VWA2: variants seen among roughly 807,000 people sequenced by gnomAD.
VWA2 encodes von Willebrand factor A domain containing 2.
VWA2 carries 73 observed loss-of-function variants against 70.4 expected under a neutral mutation model. The ratio of observed to expected loss-of-function variants is 1.04; its 90% CI spans 0.86 to 1.26. VWA2 has a LOEUF of 1.26. Among genes scored for constraint, VWA2 ranks in the 50% most tolerant of loss-of-function variants. The pLI, the probability that VWA2 is intolerant of heterozygous loss-of-function variation, is 0.00. For synonymous variants in VWA2, 407 were observed against 423.3 expected (o/e 0.96, Z 0.47); for missense variants, 1,011 against 998.5 (o/e 1.01, Z -0.17).
intron 2 of VWA2, among the ~76,000 whole-genome samples, chr10:114,252,782 A>T (rs1279446257): frequency 6.6e-6 from 1 of 152,058 alleles, no homozygotes; most frequent in Non-Finnish European, 1.5e-5. Flanking sequence ...TATTTTTAGT[A>T]GAGATGGGGT....
At chr10:114,288,232 C>A (rs185003858) in intron 11 of VWA2, among the ~76,000 whole-genome samples, 25 of 152,312 alleles carry the variant, frequency 1.6e-4, no homozygotes, top group Middle Eastern at 3.4e-3. Flanking sequence ...GAAGCTCTGA[C>A]CCCTTCTCCC....
intron 8 of VWA2, among the ~76,000 whole-genome samples, chr10:114,280,155 A>T (rs775402690): frequency 6.6e-6 from 1 of 152,196 alleles, no homozygotes; most frequent in Non-Finnish European, 1.5e-5. Context: ...CGGTGATTTA[A>T]TAGGTAGATG....
intron 10 of VWA2, 138 bp from the exon 11 acceptor site, chr10:114,285,801 C>T: frequency 1.1e-6 from 1 of 910,536 alleles, no homozygotes; most frequent in South Asian, 1.8e-5. Context: ...CTGTGACGAG[C>T]ACGGGTCACT....
intron 11 of VWA2, among the ~76,000 whole-genome samples, chr10:114,288,072 T>C (rs952828701): frequency 2.0e-5 from 3 of 152,276 alleles, no homozygotes; most frequent in African/African-American, 7.2e-5. Context: ...CCTTTGCACT[T>C]GGAATAAAAC....
intron 1 of VWA2, among the ~76,000 whole-genome samples, chr10:114,241,521 G>A (rs1425946049): frequency 6.6e-6 from 1 of 152,028 alleles, no homozygotes; most frequent in Non-Finnish European, 1.5e-5. Flanking sequence ...TCCCCTCCTG[G>A]CTTTTTAATG....
intron 1 of VWA2, among the ~76,000 whole-genome samples, chr10:114,247,913 T>A (rs1029461432): frequency 6.6e-6 from 1 of 151,908 alleles, no homozygotes; most frequent in Non-Finnish European, 1.5e-5. Flanking sequence ...CCTGCATGGG[T>A]GGTGAAGTTT....
Position 114,285,949 on chromosome 10 carries a change from G to A in VWA2, c.1008G>A (p.Leu336=), listed in dbSNP as rs373173978. ...FGGEANCALK[L]SLECRVDLLF... ...CTGTGATCCCCGCAGCCCTGAAGCT[G>A]AGCCTGGAATGCAGGGTCGACCTCC... Residue 336 remains leucine, a synonymous_variant, in exon 11 of 14, where the codon CTG becomes CTA. Transcript: ENST00000392982. 4 of 1,595,180 alleles carry A rather than the reference G, an allele frequency of 2.5e-6. No homozygotes were observed. The highest frequency in any genetic ancestry group is 3.4e-6 in the Non-Finnish European group (4 of 1,167,106).
chr10:114,247,615 C>A (rs1422594176), intron 1 of VWA2, among the ~76,000 whole-genome samples: 1 of 151,776 alleles, frequency 6.6e-6, no homozygotes, highest in Non-Finnish European at 1.5e-5. Flanking sequence ...TTAAAAAACA[C>A]TGGAGTCATG....
At chr10:114,254,527 C>T (rs1432391543) in intron 3 of VWA2, among the ~76,000 whole-genome samples, 1 of 152,160 alleles carries the variant, frequency 6.6e-6, no homozygotes, top group African/African-American at 2.4e-5. Flanking sequence ...GCTGCTGTTA[C>T]TGCTACTGAA....
At chr10:114,278,968 G>A in intron 8 of VWA2, 117 bp downstream of exon 8, 1 of 1,476,256 alleles carries the variant, frequency 6.8e-7, no homozygotes. Flanking sequence ...GATCGAAGGA[G>A]ACCTGGGAGG....
rs767376124 is a variant in VWA2 at position 114,286,500 on chromosome 10, G to A, written c.1559G>A (p.Arg520Gln). ...GAGCTGCAGGGGAAGCTGTGCAGCC[G>A]GCAGCGGCCAGGTAAGGTCCCAGTG... is the stretch of plus-strand genomic sequence containing the variant. Reference protein sequence around the residue: ...IPELQGKLCSRQRPGCRTQAL... With the variant: ...IPELQGKLCSQQRPGCRTQAL... The change falls in exon 11 of 14, where the codon CGG (arginine) becomes CAG (glutamine). Residue 520 changes from arginine (R) to glutamine (Q), a missense_variant. By Grantham distance (43) the Arg-to-Gln change is conservative (BLOSUM62 1). Coordinates refer to ENST00000392982, the MANE Select transcript of VWA2 (RefSeq NM_001272046.2). The A allele has an allele frequency of 1.3e-5, 20 of 1,571,026 alleles. No homozygotes were observed. The highest frequency in any genetic ancestry group is 4.0e-5 in the African/African-American group (3 of 74,386).
chr10:114,251,747 A>G (rs1472591101), intron 2 of VWA2, among the ~76,000 whole-genome samples: 1 of 149,740 alleles, frequency 6.7e-6, no homozygotes, highest in Admixed American at 6.6e-5. Context: ...GAACCGCATT[A>G]TGGGGTGGGC....
At chr10:114,240,579 TCA>T (rs2036958193) in intron 1 of VWA2, among the ~76,000 whole-genome samples, 1 of 152,230 alleles carries the variant, frequency 6.6e-6, no homozygotes, top group African/African-American at 2.4e-5. Flanking sequence ...TTTTATAAAT[TCA>T]GTCCCAAAAA....
chr10:114,255,608 A>G (rs1422914135), intron 4 of VWA2, among the ~76,000 whole-genome samples: 1 of 152,194 alleles, frequency 6.6e-6, no homozygotes, highest in Non-Finnish European at 1.5e-5. Context: ...AGCTGTTACT[A>G]CCTCAGTGGA....
intron 2 of VWA2, among the ~76,000 whole-genome samples, chr10:114,252,161 T>C (rs1433280542): frequency 6.6e-6 from 1 of 152,200 alleles, no homozygotes. Context: ...ATTTTTTAAA[T>C]GCAAGTAGAT....
In VWA2 at chr10:114,289,299, C is replaced by T. The variant is rs376160370; in HGVS notation, c.1932C>T (p.Gly644=). 78 of 1,613,828 alleles carry T rather than the reference C, an allele frequency of 4.8e-5. No homozygotes were observed. Among genetic ancestry groups the T allele is most frequent in the South Asian group, 4.4e-4 (40 of 91,076 alleles). ...TGGTGGTGCTCACAGGCGGGAGAGG[C>T]GCAGAGGATGCAGCCGTTCCTGCCC... The part of the protein sequence containing the change: ...KAVVVLTGGR[G]AEDAAVPAQK... The change falls in exon 12 of 14, where the codon GGC becomes GGT. Residue 644 remains glycine (G), a synonymous_variant. Coordinates refer to ENST00000392982, the MANE Select transcript of VWA2 (RefSeq NM_001272046.2).
At chr10:114,267,289 G>C (rs2037591749) in intron 5 of VWA2, among the ~76,000 whole-genome samples, 1 of 145,692 alleles carries the variant, frequency 6.9e-6, no homozygotes, top group Non-Finnish European at 1.5e-5. Context: ...GCTAATTTTT[G>C]TATTTTTAGT....
Position 114,289,413 on chromosome 10 carries a change from G to T in VWA2, c.2046G>T (p.Arg682=), listed in dbSNP as rs777336184. The change falls in exon 12 of 14, where the codon CGG becomes CGT. Residue 682 remains arginine, a synonymous_variant. Transcript: ENST00000392982. ...SEGLRRLAGP[R]DSLIHVAAYA... is the part of the protein sequence containing the mutation. The stretch of plus-strand genomic sequence containing the variant: ...GTCTGCGGAGGCTTGCAGGTCCCCG[G>T]GATTCCCTGATCCACGTGGCAGCTT... 6.2e-7 allele frequency: 1 copy of T among 1,612,336 alleles called. No individual in the cohort carries two copies. The highest frequency in any genetic ancestry group is 1.1e-5 in the South Asian group (1 of 91,060).
intron 1 of VWA2, among the ~76,000 whole-genome samples, chr10:114,244,751 G>C (rs1031229183): frequency 6.6e-6 from 1 of 152,240 alleles, no homozygotes; most frequent in Non-Finnish European, 1.5e-5. Flanking sequence ...TGGGAATAGA[G>C]TGCAAACAAT....
Sources: allele counts gnomAD v4.1 joint callset (sites outside exome capture counted in the v4.1 genomes callset), GRCh38; gene constraint gnomAD v4.1.1; transcripts MANE v1.5; gene names NCBI Gene and HGNC (gene_info 2026-07-23, HGNC 2026-07-21).